ROR1: variants seen among roughly 807,000 people sequenced by gnomAD.
ROR1 encodes the protein ROR family WNT receptor 1.
A neutral mutation model predicts 78.8 loss-of-function variants in ROR1; 19 were observed. The observed-to-expected ratio is 0.24, with a 90% CI of 0.17 to 0.35. The LOEUF is 0.35. ROR1 is among the 10% of genes least tolerant of loss of function. The pLI is 1.00. For synonymous variants in ROR1, 386 were observed against 433.6 expected (o/e 0.89, Z 1.36); for missense variants, 917 against 1,177.8 (o/e 0.78, Z 3.24).
intron 1 of ROR1, among the ~76,000 whole-genome samples, chr1:63,987,539 T>C (rs1234687348): frequency 2.0e-5 from 3 of 152,210 alleles, no homozygotes; most frequent in African/African-American, 7.2e-5. Context: ...TTTAAACATG[T>C]CATTCTAATC....
chr1:64,158,995 A>G lies in ROR1; in HGVS notation c.1189A>G (p.Lys397Glu). Residue 397 changes from lysine (K) to glutamate (E), a missense_variant, in exon 8 of 9, where the codon AAG becomes GAG. Physicochemically the swap from Lys to Glu is moderately conservative, Grantham distance 56 (BLOSUM62 1). Coordinates refer to ENST00000371079, the MANE Select transcript of ROR1 (RefSeq NM_005012.4). The stretch of plus-strand genomic sequence containing the variant: ...TCTGCACCCAGATTCAAAGGATTCC[A>G]AGGAGAAGAATAAAATGGAAATCCT... ...DIPACDSKDSKEKNKMEILYI... is the reference protein window; with the variant it reads ...DIPACDSKDSEEKNKMEILYI... The G allele has an allele frequency of 6.2e-7, 1 of 1,613,982 alleles. No individual in the cohort carries two copies. Among genetic ancestry groups the G allele is most frequent in the Non-Finnish European group, 8.5e-7 (1 of 1,179,838 alleles).
chr1:63,856,918 A>C (rs1043189260), intron 1 of ROR1, among the ~76,000 whole-genome samples: 5 of 152,040 alleles, frequency 3.3e-5, no homozygotes, highest in Non-Finnish European at 7.4e-5. Flanking sequence ...ACCTGTGCTT[A>C]CAGTAATTTA....
At chr1:63,959,554 T>C (rs1367027879) in intron 1 of ROR1, among the ~76,000 whole-genome samples, 5 of 152,226 alleles carry the variant, frequency 3.3e-5, no homozygotes, top group Non-Finnish European at 5.9e-5. Flanking sequence ...TCTTGCCTCC[T>C]GAATGATCAG....
At chr1:63,949,866 G>C (rs1279382686) in intron 1 of ROR1, among the ~76,000 whole-genome samples, 1 of 152,076 alleles carries the variant, frequency 6.6e-6, no homozygotes, top group Admixed American at 6.5e-5. Flanking sequence ...GGTTTGTGTG[G>C]GGTGGAGGTG....
chr1:63,992,017 C>T (rs192259942), intron 1 of ROR1, among the ~76,000 whole-genome samples: 1 of 152,000 alleles, frequency 6.6e-6, no homozygotes, highest in East Asian at 1.9e-4. Flanking sequence ...AATCCCTGAC[C>T]TTATATTTTA....
At position 64,178,830 on chromosome 1, in the gene ROR1, A is replaced by T. The variant is rs748108402; in HGVS notation, c.2789A>T (p.Glu930Val). The change falls in exon 9 of 9, where the codon GAA becomes GTA. Residue 930 changes from glutamate to valine, a missense_variant. Transcript: ENST00000371079. This position sits in a 1 kb window ranked among gnomAD's most constrained non-coding sequence, Gnocchi z 4.3. The stretch of plus-strand genomic sequence containing the variant: ...GACGCCAATATTCATGGACACACCG[A>T]ATCTATGATTTCTGCAGAACTGTAA... ...LGDANIHGHT[E>V]SMISAEL The T allele has an allele frequency of 6.8e-6, 11 of 1,613,520 alleles. No individual in the cohort carries two copies. In the Admixed American group the frequency reaches 1.8e-4, roughly 27 times the overall value.
chr1:63,845,276 TC>T (rs1376353685), intron 1 of ROR1, among the ~76,000 whole-genome samples: 2 of 152,156 alleles, frequency 1.3e-5, no homozygotes, highest in African/African-American at 4.8e-5. Context: ...GGCTTCAGCT[TC>T]CCTGAAAGAA....
intron 1 of ROR1, among the ~76,000 whole-genome samples, chr1:63,966,149 T>C (rs536301777): frequency 7.6e-4 from 116 of 152,312 alleles, no homozygotes; most frequent in African/African-American, 2.7e-3. Context: ...ATTTCGCCAA[T>C]GTGGTTAAAA....
In ROR1 at chr1:63,871,528, A is replaced by C. The variant is rs547105614; in HGVS notation, c.91+97020A>C. On this transcript the variant is annotated intron_variant, in intron 1 of 8. Transcript: ENST00000371079. ...TCTGTCATGTTTACCAGTTTGTAGA[A>C]TGTGTTATCACTGCCAAGCACCTTG... Among the ~76,000 whole-genome samples the C allele has an allele frequency of 1.1e-3, 165 of 152,306 alleles. 1 individual carries two copies. Among genetic ancestry groups the C allele is most frequent in the African/African-American group, 3.8e-3 (159 of 41,584 alleles).
intron 6 of ROR1, among the ~76,000 whole-genome samples, chr1:64,141,036 G>A (rs573727002): frequency 4.6e-5 from 7 of 152,294 alleles, no homozygotes; most frequent in African/African-American, 1.7e-4. Flanking sequence ...GGCCAGGCTA[G>A]GGGTAGTGGA....
chr1:64,092,935 A>G (rs1178394207), intron 4 of ROR1, among the ~76,000 whole-genome samples: 1 of 152,142 alleles, frequency 6.6e-6, no homozygotes, highest in Non-Finnish European at 1.5e-5. Context: ...AGACTCATCC[A>G]TCATCGGTGG....
chr1:63,976,020 G>T (rs1224872727), intron 1 of ROR1, among the ~76,000 whole-genome samples: 1 of 152,156 alleles, frequency 6.6e-6, no homozygotes, highest in East Asian at 1.9e-4. Context: ...ATTTTATATG[G>T]TTTCAAAAAC....
chr1:64,136,293 G>T (rs1387583858), intron 4 of ROR1, among the ~76,000 whole-genome samples: 1 of 151,358 alleles, frequency 6.6e-6, no homozygotes, highest in African/African-American at 2.4e-5. Context: ...AGAGAATTTT[G>T]TTCTCCTGAC....
chr1:63,879,348 G>T (rs1195556136), intron 1 of ROR1, among the ~76,000 whole-genome samples: 1 of 152,154 alleles, frequency 6.6e-6, no homozygotes, highest in African/African-American at 2.4e-5. Flanking sequence ...TTGCCGAAGG[G>T]ACAGAGTTTG....
chr1:63,823,890 G>A (rs1469353469), intron 1 of ROR1, among the ~76,000 whole-genome samples: 1 of 151,876 alleles, frequency 6.6e-6, no homozygotes, highest in East Asian at 1.9e-4. Context: ...TGAGATTACA[G>A]GCATGAGCCA....
intron 1 of ROR1, among the ~76,000 whole-genome samples, chr1:63,838,017 C>T (rs1178747920): frequency 6.6e-6 from 1 of 152,046 alleles, no homozygotes. Context: ...TGTTGTAGTA[C>T]AGTGTATTAC....
intron 1 of ROR1, among the ~76,000 whole-genome samples, chr1:63,935,306 A>C (rs1181831865): frequency 6.6e-6 from 1 of 152,170 alleles, no homozygotes; most frequent in Non-Finnish European, 1.5e-5. Flanking sequence ...ATTGGTCAGC[A>C]TCAGATGAGC....
Position 63,774,535 on chromosome 1 carries a change from CG to C in ROR1, c.91+28del. 4 of 1,065,550 alleles carry C rather than the reference CG, an allele frequency of 3.8e-6. No individual in the cohort carries two copies. The highest frequency in any genetic ancestry group is 3.4e-6 in the Non-Finnish European group (3 of 879,456). 66.0% of individuals were successfully genotyped at this position (1,065,550 alleles called of 1,614,324 possible). On this transcript the variant is annotated intron_variant, in intron 1 of 8. Coordinates refer to ENST00000371079, the MANE Select transcript of ROR1 (RefSeq NM_005012.4). The surrounding 1 kb of genome is among the most constrained non-coding windows in gnomAD (Gnocchi z 5.7). ...TAAGAGGCGCCCGCCGGCCCCCGCC[CG>C]CCCAGACCCCCTGACCCGTGGCCAC...
At chr1:63,786,159 A>G (rs555872209) in intron 1 of ROR1, among the ~76,000 whole-genome samples, 9 of 151,796 alleles carry the variant, frequency 5.9e-5, no homozygotes, top group Non-Finnish European at 1.2e-4. Context: ...GGTGCAGAGA[A>G]AGTCCAGGAC....
Sources: gnomAD v4.1 joint callset for allele counts (sites outside exome capture counted in the v4.1 genomes callset) on GRCh38, gnomAD v4.1.1 for gene constraint, Gnocchi (gnomAD v3.1) non-coding constraint, MANE v1.5 for transcripts, NCBI Gene and HGNC (gene_info 2026-07-23, HGNC 2026-07-21) for gene names.